DUSP10: variants seen among roughly 807,000 people sequenced by gnomAD.
DUSP10 encodes the protein dual specificity protein phosphatase 10.
Under a neutral mutation model 30.8 loss-of-function variants are expected in DUSP10, and 14 were observed. That is an observed-to-expected ratio of 0.46 (90% CI 0.30 to 0.71). The LOEUF is 0.71. Among genes scored for constraint, DUSP10 ranks in the 30% least tolerant of loss-of-function variants. The pLI, the probability that DUSP10 is intolerant of heterozygous loss-of-function variation, is 0.08. For missense variants in DUSP10, 550 were observed against 619.4 expected (o/e 0.89, Z 1.19); for synonymous variants, 254 against 250.4 (o/e 1.01, Z -0.14).
intron 2 of DUSP10, among the ~76,000 whole-genome samples, chr1:221,738,398 GCC>G (rs1661841758): frequency 6.6e-6 from 1 of 152,210 alleles, no homozygotes; most frequent in African/African-American, 2.4e-5. Flanking sequence ...AAGAAGCTCT[GCC>G]CTTCTTCAAG....
intron 2 of DUSP10, among the ~76,000 whole-genome samples, chr1:221,715,407 T>C (rs1024325074): frequency 4.6e-5 from 7 of 152,160 alleles, no homozygotes; most frequent in African/African-American, 1.7e-4. Flanking sequence ...GAGCTGGGGA[T>C]TGGATTTCCG....
At chr1:221,718,207 A>G (rs1173576707) in intron 2 of DUSP10, among the ~76,000 whole-genome samples, 1 of 152,154 alleles carries the variant, frequency 6.6e-6, no homozygotes, top group African/African-American at 2.4e-5. Context: ...CCTTAGTTCC[A>G]TGAACCAGCT....
rs750728887 is a variant in DUSP10 at position 221,739,681 on chromosome 1, C to T, written c.64G>A (p.Asp22Asn). The change falls in exon 2 of 4, where the codon GAT becomes AAT. Residue 22 changes from aspartate (D) to asparagine (N), a missense_variant. Physicochemically the swap from Asp to Asn is conservative, Grantham distance 23 (BLOSUM62 1). Transcript: ENST00000366899. ...VALSRPVRPQ[D>N]LNLCLDSSYL... ...CTAGAGTCTAAACAAAGGTTGAGATCCTGAGGTCGGACGGGCCTAGATAGT... is the reference window on the plus strand; with the variant it reads ...CTAGAGTCTAAACAAAGGTTGAGATTCTGAGGTCGGACGGGCCTAGATAGT... 2.5e-6 allele frequency: 4 copies of T among 1,613,974 alleles called. No individual in the cohort carries two copies. The highest frequency in any genetic ancestry group is 3.4e-6 in the Non-Finnish European group (4 of 1,179,962).
intron 2 of DUSP10, among the ~76,000 whole-genome samples, chr1:221,718,120 C>T (rs994300685): frequency 1.6e-3 from 1 of 638 alleles, no homozygotes; most frequent in African/African-American, 6.3e-3. Context: ...GGGGTGGGGG[C>T]GGGGGCTGCA....
chr1:221,740,495 A>G (rs927636075), intron 1 of DUSP10, among the ~76,000 whole-genome samples: 3 of 152,184 alleles, frequency 2.0e-5, no homozygotes, highest in Non-Finnish European at 2.9e-5. Context: ...CTGGTGTCCT[A>G]AAACGAAATC....
At chr1:221,722,489 T>C (rs7534227) in intron 2 of DUSP10, among the ~76,000 whole-genome samples, 17,251 of 152,212 alleles carry the variant, frequency 0.11, 1,032 homozygotes, top group Middle Eastern at 0.13. Flanking sequence ...GCAGGCCTGG[T>C]GTGGTGGCAG....
At chr1:221,713,222 AG>A (rs1424473695) in intron 2 of DUSP10, among the ~76,000 whole-genome samples, 1 of 152,246 alleles carries the variant, frequency 6.6e-6, no homozygotes, top group Admixed American at 6.5e-5. Context: ...AGGAGCCATG[AG>A]GACAGCCCAC....
intron 2 of DUSP10, among the ~76,000 whole-genome samples, chr1:221,714,025 G>A (rs1050363092): frequency 2.0e-5 from 3 of 152,004 alleles, no homozygotes; most frequent in Non-Finnish European, 4.4e-5. Flanking sequence ...TTTTTATTTA[G>A]TTCATCTAAC....
intron 2 of DUSP10, among the ~76,000 whole-genome samples, chr1:221,730,537 GGGCGGTGGCCTGAGTA>G (rs1661558555): frequency 6.6e-6 from 1 of 152,168 alleles, no homozygotes; most frequent in South Asian, 2.1e-4. Flanking sequence ...CCAGGGTTGG[GGGCGGTGGCCTGAGTA>G]GGCCTTTACC....
Position 221,740,420 on chromosome 1 carries a change from A to G in DUSP10, c.-43-633T>C, listed in dbSNP as rs938973379. On this transcript the variant is annotated intron_variant, in intron 1 of 3. Coordinates refer to ENST00000366899, the MANE Select transcript of DUSP10 (RefSeq NM_007207.6). ...TTGAAAAGCACAACATAGTCATACT[A>G]AAACCTCACATGTTGTCTTTTGGCC... Among the ~76,000 whole-genome samples, 18 of 152,220 alleles carry G rather than the reference A, an allele frequency of 1.2e-4. 1 individual carries two copies. Among genetic ancestry groups the G allele is most frequent in the Admixed American group, 1.2e-3 (18 of 15,290 alleles).
At position 221,702,319 on chromosome 1, in the gene DUSP10, CAA is replaced by C. The variant is rs3215279; in HGVS notation, c.*91_*92del. 2.4e-4 allele frequency: 268 copies of C among 1,104,010 alleles called. No homozygotes were observed. The highest frequency in any genetic ancestry group is 3.3e-4 in the Middle Eastern group (1 of 3,072). 68.4% of individuals were successfully genotyped at this position (1,104,010 alleles called of 1,614,324 possible). On this transcript the variant is annotated 3_prime_UTR_variant, in exon 4 of 4. Transcript: ENST00000366899. This position sits in a 1 kb window ranked among gnomAD's most constrained non-coding sequence, Gnocchi z 4.5. The stretch of plus-strand genomic sequence containing the variant: ...CCATTCACAAACTTACTCCCAACTA[CAA>C]AAAAAAAAAGAAAGAAAAAAAACCA...
At chr1:221,718,242 C>G (rs1661170677) in intron 2 of DUSP10, among the ~76,000 whole-genome samples, 1 of 152,148 alleles carries the variant, frequency 6.6e-6, no homozygotes, top group South Asian at 2.1e-4. Flanking sequence ...AAGCCCACTC[C>G]TCTCCCAAAG....
intron 1 of DUSP10, among the ~76,000 whole-genome samples, chr1:221,741,049 C>G (rs759919400): frequency 2.6e-5 from 4 of 152,164 alleles, no homozygotes; most frequent in Non-Finnish European, 4.4e-5. Context: ...CGTCTACACA[C>G]GACCGTCACC....
At chr1:221,741,477 C>T (rs2102661500) in intron 1 of DUSP10, among the ~76,000 whole-genome samples, 1 of 152,228 alleles carries the variant, frequency 6.6e-6, no homozygotes, top group South Asian at 2.1e-4. Flanking sequence ...GTCGGGCGTA[C>T]ATACTGCCCG....
At chr1:221,707,654 T>C (rs1660806163) in intron 2 of DUSP10, among the ~76,000 whole-genome samples, 1 of 152,192 alleles carries the variant, frequency 6.6e-6, no homozygotes, top group Admixed American at 6.5e-5. Context: ...TTCACTACAA[T>C]GTTATCTGTT....
chr1:221,727,668 G>A (rs1287350918), intron 2 of DUSP10, among the ~76,000 whole-genome samples: 1 of 152,146 alleles, frequency 6.6e-6, no homozygotes, highest in Non-Finnish European at 1.5e-5. Flanking sequence ...AACTTACCTT[G>A]CCATGTAAAT....
chr1:221,716,281 G>T (rs1467135323), intron 2 of DUSP10, among the ~76,000 whole-genome samples: 1 of 152,024 alleles, frequency 6.6e-6, no homozygotes, highest in Non-Finnish European at 1.5e-5. Context: ...GGCTCTGCTA[G>T]TGCAGAGAAT....
chr1:221,736,582 G>A (rs958036193), intron 2 of DUSP10, among the ~76,000 whole-genome samples: 5 of 152,266 alleles, frequency 3.3e-5, no homozygotes, highest in South Asian at 4.1e-4. Context: ...TGCCCACCCC[G>A]TCTTTCACCA....
intron 2 of DUSP10, among the ~76,000 whole-genome samples, chr1:221,710,393 CAG>C (rs997602482): frequency 9.2e-5 from 14 of 152,086 alleles, no homozygotes; most frequent in Non-Finnish European, 1.6e-4. Context: ...GTATACAAAA[CAG>C]GGATAACAAT....
Sources: gnomAD v4.1 joint callset for allele counts (sites outside exome capture counted in the v4.1 genomes callset) on GRCh38, gnomAD v4.1.1 for gene constraint, Gnocchi (gnomAD v3.1) non-coding constraint, MANE v1.5 for transcripts, NCBI Gene and HGNC (gene_info 2026-07-23, HGNC 2026-07-21) for gene names.